Variants in ZNF599 observed in about 807,000 individuals in gnomAD.
The protein encoded by ZNF599 is zinc finger protein 599.
In ZNF599, 10 loss-of-function variants were observed where a neutral mutation model predicts 11.7. The observed-to-expected ratio is 0.86, with a 90% CI of 0.53 to 1.45. The LOEUF is 1.45. ZNF599 is among the 40% of genes most tolerant of loss of function. The probability of loss-of-function intolerance (pLI) is 0.00; values close to 1 mark genes in which losing one functional copy is unlikely to be tolerated. For missense variants in ZNF599, 688 were observed against 713.6 expected, an observed-to-expected ratio of 0.96 and a Z score of 0.41; for synonymous variants, 232 against 253.2, an observed-to-expected ratio of 0.92 and a Z score of 0.79.
chr19:34,771,575 G>A (rs1281680854), intron 1 of ZNF599, among the ~76,000 whole-genome samples: 1 of 152,146 alleles, frequency 6.6e-6, no homozygotes, highest in East Asian at 1.9e-4. Context: ...CAGAGATCTG[G>A]CGACAATGTG....
At chr19:34,799,928 A>C in the ZNF599 span, among the ~76,000 whole-genome samples, 2 of 152,266 alleles carry the variant, frequency 1.3e-5, no homozygotes, top group Non-Finnish European at 2.9e-5. Flanking sequence ...CTTCCACTCT[A>C]CATACTTGTC....
At chr19:34,792,660 G>A in the ZNF599 span, among the ~76,000 whole-genome samples, 5 of 152,036 alleles carry the variant, frequency 3.3e-5, no homozygotes, top group South Asian at 2.1e-4. Context: ...TCAGGAGATC[G>A]AGACCATCCT....
the ZNF599 span, among the ~76,000 whole-genome samples, chr19:34,790,942 C>T: frequency 6.6e-6 from 1 of 152,112 alleles, no homozygotes; most frequent in Non-Finnish European, 1.5e-5. Context: ...TATTATTATT[C>T]ATTGCAGTTA....
At chr19:34,779,093 C>A in the ZNF599 span, among the ~76,000 whole-genome samples, 1 of 151,922 alleles carries the variant, frequency 6.6e-6, no homozygotes, top group Non-Finnish European at 1.5e-5. Context: ...ATGGCACAAC[C>A]ACTTACATTT....
chr19:34,796,315 A>AT, the ZNF599 span, among the ~76,000 whole-genome samples: 7,636 of 141,550 alleles, frequency 0.054, 203 homozygotes, highest in Middle Eastern at 0.099. Context: ...GAGCCCTTCA[A>AT]TTTTTTTTTT....
At chr19:34,789,658 T>C in the ZNF599 span, among the ~76,000 whole-genome samples, 3 of 152,238 alleles carry the variant, frequency 2.0e-5, no homozygotes, top group Non-Finnish European at 4.4e-5. Flanking sequence ...CTTCTTTAGA[T>C]GCTAAATGTC....
At chr19:34,786,356 A>C in the ZNF599 span, among the ~76,000 whole-genome samples, 3 of 151,898 alleles carry the variant, frequency 2.0e-5, no homozygotes, top group Admixed American at 2.0e-4. Flanking sequence ...GTTGAGCCCA[A>C]TCTCTCTCCC....
intron 3 of ZNF599, chr19:34,764,733 T>C (rs1448974904): frequency 7.2e-5 from 11 of 152,210 alleles, no homozygotes; most frequent in Non-Finnish European, 2.9e-5. Flanking sequence ...TGACTACTTT[T>C]ATAGAAGGGG....
At chr19:34,778,281 G>A in the ZNF599 span, among the ~76,000 whole-genome samples, 1 of 151,510 alleles carries the variant, frequency 6.6e-6, no homozygotes, top group Non-Finnish European at 1.5e-5. Flanking sequence ...AAACCTGCAG[G>A]TTGTGCACAT....
chr19:34,789,767 T>G, the ZNF599 span, among the ~76,000 whole-genome samples: 1 of 152,226 alleles, frequency 6.6e-6, no homozygotes. Context: ...ATCAAATGTA[T>G]AGCTTGAAAA....
chr19:34,771,008 G>A (rs113873752), intron 1 of ZNF599, among the ~76,000 whole-genome samples: 15 of 152,300 alleles, frequency 9.8e-5, no homozygotes, highest in African/African-American at 1.9e-4. Context: ...GGCTGGGCAC[G>A]TCGGCTCATG....
intron 2 of ZNF599, among the ~76,000 whole-genome samples, chr19:34,768,038 G>C (rs576515345): frequency 2.4e-4 from 37 of 152,288 alleles, no homozygotes; most frequent in African/African-American, 8.4e-4. Context: ...GAAGACTCTG[G>C]AGAGAAGTCA....
chr19:34,794,398 C>T, the ZNF599 span, among the ~76,000 whole-genome samples: 19 of 152,116 alleles, frequency 1.2e-4, no homozygotes, highest in East Asian at 5.8e-4. Context: ...CAATGAGCAA[C>T]GAGGGCAACA....
At chr19:34,802,206 A>G in the ZNF599 span, among the ~76,000 whole-genome samples, 1 of 152,188 alleles carries the variant, frequency 6.6e-6, no homozygotes, top group South Asian at 2.1e-4. Context: ...AGTTCACAGG[A>G]CTGTTTTCAG....
rs146342141 is a variant in ZNF599 at position 34,760,269 on chromosome 19, G to A, written c.532C>T (p.Leu178Phe). 6.2e-7 allele frequency: 1 copy of A among 1,614,036 alleles called. No homozygotes were observed. The highest frequency in any genetic ancestry group is 8.5e-7 in the Non-Finnish European group (1 of 1,180,036). ...GGTCCTTGAGAGTCACACTCATGGA[G>A]AGCATCTTGTGGAGTGACTCGTTCC... ...LQERVTPQDA[L>F]HECDSQGPGK... Residue 178 changes from leucine to phenylalanine, a missense_variant, in exon 4 of 4, where the codon CTC (leucine) becomes TTC (phenylalanine). Physicochemically the swap from Leu to Phe is conservative, Grantham distance 22. Coordinates refer to ENST00000329285, the MANE Select transcript of ZNF599 (RefSeq NM_001007248.3).
intron 3 of ZNF599, chr19:34,763,355 G>C (rs559698840): frequency 6.6e-6 from 1 of 152,286 alleles, no homozygotes; most frequent in South Asian, 2.1e-4. Context: ...GCACACCTAG[G>C]GACAATTATG....
Position 34,760,068 on chromosome 19 carries a change from G to A in ZNF599, c.733C>T (p.His245Tyr). 1.2e-6 allele frequency: 2 copies of A among 1,614,040 alleles called. No homozygotes were observed. The highest frequency in any genetic ancestry group is 1.7e-6 in the Non-Finnish European group (2 of 1,180,012). ...TTTTCCCCAGTATGAAGCCTCATAT[G>A]TCGAATGACATCAGCCATATAACGA... is the stretch of plus-strand genomic sequence containing the variant. ...ACRYMADVIR[H>Y]MRLHTGEKPY... Residue 245 changes from histidine (H) to tyrosine (Y), a missense_variant, in exon 4 of 4, where the codon CAT becomes TAT. By Grantham distance (83) the His-to-Tyr change is moderately conservative (BLOSUM62 2). Coordinates refer to ENST00000329285, the MANE Select transcript of ZNF599 (RefSeq NM_001007248.3).
At chr19:34,784,903 A>T in the ZNF599 span, among the ~76,000 whole-genome samples, 2 of 147,858 alleles carry the variant, frequency 1.4e-5, no homozygotes, top group African/African-American at 5.0e-5. Flanking sequence ...ATGACCAGAA[A>T]ATCTCCTCTC....
upstream of ZNF599, among the ~76,000 whole-genome samples, chr19:34,775,041 C>T (rs771881441): frequency 6.6e-5 from 10 of 152,220 alleles, no homozygotes; most frequent in Non-Finnish European, 1.5e-4. Context: ...ATGTGCTACA[C>T]TGGCTCCCCC....
Sources: gnomAD v4.1 joint callset for allele counts (sites outside exome capture counted in the v4.1 genomes callset) on GRCh38, gnomAD v4.1.1 for gene constraint, MANE v1.5 for transcripts, NCBI Gene and HGNC (gene_info 2026-07-23, HGNC 2026-07-21) for gene names.